NCAM2: variants seen among roughly 807,000 people sequenced by gnomAD.
The protein encoded by NCAM2 is neural cell adhesion molecule 2.
A neutral mutation model predicts 98.1 loss-of-function variants in NCAM2; 30 were observed. That is an observed-to-expected ratio of 0.31 (90% CI 0.23 to 0.41). The LOEUF is 0.41. NCAM2 is among the 10% of genes least tolerant of loss of function. The pLI is 1.00. For synonymous variants in NCAM2, 368 were observed against 342.4 expected (o/e 1.07, Z -0.83); for missense variants, 867 against 1,005.8 (o/e 0.86, Z 1.87).
chr21:21,106,615 C>T (rs972191074), intron 1 of NCAM2, among the ~76,000 whole-genome samples: 2 of 151,490 alleles, frequency 1.3e-5, no homozygotes, highest in African/African-American at 4.8e-5. Flanking sequence ...TTTATGCTTA[C>T]ATCTTTAGGT....
chr21:21,025,716 T>C (rs1311376485), intron 1 of NCAM2, among the ~76,000 whole-genome samples: 1 of 152,174 alleles, frequency 6.6e-6, no homozygotes, highest in Non-Finnish European at 1.5e-5. Context: ...TGGAAATAAC[T>C]AGTACTACTT....
intron 12 of NCAM2, among the ~76,000 whole-genome samples, chr21:21,464,636 G>T (rs960003592): frequency 1.3e-5 from 2 of 152,112 alleles, no homozygotes; most frequent in Admixed American, 6.6e-5. Flanking sequence ...ACTTTCAGCA[G>T]AGGCTTTACA....
chr21:21,324,181 C>G (rs1002541246), intron 5 of NCAM2, among the ~76,000 whole-genome samples: 7 of 151,814 alleles, frequency 4.6e-5, no homozygotes, highest in African/African-American at 1.7e-4. Context: ...TACCCTAGAA[C>G]TTAAAGTATA....
At chr21:21,002,080 A>G (rs750278684) in intron 1 of NCAM2, among the ~76,000 whole-genome samples, 9 of 152,166 alleles carry the variant, frequency 5.9e-5, no homozygotes, top group Non-Finnish European at 1.2e-4. Context: ...CAAAGTTTCT[A>G]TTAAATCGAC....
chr21:21,324,699 A>G (rs1206575838), intron 6 of NCAM2, among the ~76,000 whole-genome samples, 199 bp downstream of exon 6: 1 of 152,110 alleles, frequency 6.6e-6, no homozygotes, highest in East Asian at 1.9e-4. Context: ...CCGCTCTAAT[A>G]TTCTGAGTCA....
chr21:21,381,580 A>C (rs2076154670), intron 9 of NCAM2, among the ~76,000 whole-genome samples: 1 of 152,138 alleles, frequency 6.6e-6, no homozygotes, highest in Admixed American at 6.6e-5. Context: ...AGTTTCCTTG[A>C]AATAGACTTG....
intron 1 of NCAM2, among the ~76,000 whole-genome samples, chr21:21,153,641 T>C (rs1358176294): frequency 6.6e-6 from 1 of 151,840 alleles, no homozygotes; most frequent in Non-Finnish European, 1.5e-5. Context: ...CACATTTTAG[T>C]CATGGTGGGG....
intron 1 of NCAM2, among the ~76,000 whole-genome samples, chr21:21,203,893 T>C (rs1235473557): frequency 3.3e-5 from 5 of 152,202 alleles, no homozygotes; most frequent in African/African-American, 1.2e-4. Flanking sequence ...TCATTTTACA[T>C]GAGTTCTTCC....
At chr21:21,384,880 A>T (rs2076232217) in intron 9 of NCAM2, among the ~76,000 whole-genome samples, 1 of 152,098 alleles carries the variant, frequency 6.6e-6, no homozygotes, top group Admixed American at 6.6e-5. Flanking sequence ...CACGAGATAT[A>T]TGTCTACATT....
chr21:21,421,296 T>C (rs1277665325), intron 11 of NCAM2, among the ~76,000 whole-genome samples: 1 of 152,056 alleles, frequency 6.6e-6, no homozygotes, highest in Non-Finnish European at 1.5e-5. Context: ...CCTATCCTTC[T>C]AGTGACTATA....
intron 16 of NCAM2, among the ~76,000 whole-genome samples, chr21:21,510,401 T>G (rs2146358972): frequency 6.6e-6 from 1 of 152,196 alleles, no homozygotes; most frequent in African/African-American, 2.4e-5. Flanking sequence ...CACAGATAGT[T>G]TTTGCTTATT....
chr21:21,427,061 T>C (rs1207833383), intron 11 of NCAM2, among the ~76,000 whole-genome samples: 2 of 152,118 alleles, frequency 1.3e-5, no homozygotes, highest in Admixed American at 1.3e-4. Flanking sequence ...CACAGCCTCA[T>C]ATGTGTAAAA....
At chr21:21,077,398 G>T (rs1207030097) in intron 1 of NCAM2, among the ~76,000 whole-genome samples, 1 of 152,072 alleles carries the variant, frequency 6.6e-6, no homozygotes, top group Non-Finnish European at 1.5e-5. Context: ...ATAATTGAAG[G>T]ATTATTGAGA....
chr21:21,391,359 A>G (rs1208599019), intron 9 of NCAM2, among the ~76,000 whole-genome samples: 1 of 152,190 alleles, frequency 6.6e-6, no homozygotes, highest in African/African-American at 2.4e-5. Flanking sequence ...TCATAAATTA[A>G]CATACAACTT....
chr21:21,387,495 T>G (rs185634463), intron 9 of NCAM2, among the ~76,000 whole-genome samples: 178 of 148,862 alleles, frequency 1.2e-3, no homozygotes, highest in African/African-American at 4.3e-3. Flanking sequence ...AAGGTCTTAG[T>G]GTATCTTTCA....
At chr21:21,390,031 G>T (rs1023999398) in intron 9 of NCAM2, among the ~76,000 whole-genome samples, 3 of 152,064 alleles carry the variant, frequency 2.0e-5, no homozygotes, top group African/African-American at 7.2e-5. Context: ...TGTATTTTTA[G>T]TAGCGACAGG....
chr21:21,162,707 A>G (rs2067823179), intron 1 of NCAM2, among the ~76,000 whole-genome samples: 1 of 152,262 alleles, frequency 6.6e-6, no homozygotes, highest in African/African-American at 2.4e-5. Context: ...GAAAAGAAAA[A>G]GAAGTTCTTG....
intron 1 of NCAM2, among the ~76,000 whole-genome samples, chr21:21,112,211 G>A (rs2066467736): frequency 6.6e-6 from 1 of 151,840 alleles, no homozygotes; most frequent in South Asian, 2.1e-4. Context: ...ATTGTGTTTT[G>A]TTTTTACCCA....
chr21:21,213,284 G>A (rs1005034106), intron 1 of NCAM2, among the ~76,000 whole-genome samples: 4 of 152,032 alleles, frequency 2.6e-5, no homozygotes, highest in African/African-American at 7.2e-5. Context: ...AACTTCTAAC[G>A]TTAATACTAA....
Sources: gnomAD v4.1 joint callset for allele counts (sites outside exome capture counted in the v4.1 genomes callset) on GRCh38, gnomAD v4.1.1 for gene constraint, MANE v1.5 for transcripts, NCBI Gene and HGNC (gene_info 2026-07-23, HGNC 2026-07-21) for gene names.